Variants in CNTLN observed in about 807,000 individuals in gnomAD.
The protein encoded by CNTLN is centlein, centrosomal protein.
A neutral mutation model predicts 180.0 loss-of-function variants in CNTLN; 212 were observed. The ratio of observed to expected loss-of-function variants is 1.18; its 90% CI spans 1.05 to 1.32. The LOEUF is 1.32. Ranked by LOEUF, CNTLN falls within the 40% of genes most tolerant of loss-of-function variation. The pLI is 0.00. For missense variants in CNTLN, 2,095 were observed against 1,610.9 expected, an observed-to-expected ratio of 1.30 and a Z score of -5.14; for synonymous variants, 722 against 563.1, an observed-to-expected ratio of 1.28 and a Z score of -3.99.
At chr9:17,513,445 C>T in the CNTLN span, among the ~76,000 whole-genome samples, 10 of 152,036 alleles carry the variant, frequency 6.6e-5, no homozygotes, top group Non-Finnish European at 1.2e-4. Flanking sequence ...CATGTAATCC[C>T]AGCACTTTGG....
chr9:17,333,300 C>G (rs993502571), intron 10 of CNTLN, among the ~76,000 whole-genome samples: 1 of 152,096 alleles, frequency 6.6e-6, no homozygotes, highest in East Asian at 1.9e-4. Context: ...CTTCCTAATT[C>G]ATACTTTGTG....
the CNTLN span, among the ~76,000 whole-genome samples, chr9:17,518,339 G>C: frequency 6.6e-6 from 1 of 151,970 alleles, no homozygotes; most frequent in African/African-American, 2.4e-5. Flanking sequence ...GAGCCACCGT[G>C]CCTGGCCTCC....
chr9:17,314,860 G>C (rs1819438698), intron 8 of CNTLN, among the ~76,000 whole-genome samples: 1 of 152,118 alleles, frequency 6.6e-6, no homozygotes, highest in African/African-American at 2.4e-5. Context: ...TGTCATTATT[G>C]TAAATGGAAC....
intron 8 of CNTLN, among the ~76,000 whole-genome samples, chr9:17,322,003 G>A (rs1056694110): frequency 6.6e-6 from 1 of 151,836 alleles, no homozygotes; most frequent in Non-Finnish European, 1.5e-5. Flanking sequence ...AATTAGTTTC[G>A]AGTTTATATG....
downstream of CNTLN, among the ~76,000 whole-genome samples, chr9:17,507,350 C>G (rs1833950839): frequency 6.6e-6 from 1 of 152,114 alleles, no homozygotes; most frequent in South Asian, 2.1e-4. Flanking sequence ...CATAGTATTC[C>G]ATGGTGTATA....
chr9:17,150,631 G>A lies in CNTLN; in HGVS notation c.449+7255G>A, dbSNP rs980429873. ...TTGCCCAGGAGTGTCTTGGCTATGC[G>A]GGCTCTTTTTTGGTTCCATATGAAC... On this transcript the variant is annotated intron_variant, in intron 2 of 25. Coordinates refer to ENST00000380647, the MANE Select transcript of CNTLN (RefSeq NM_017738.4). Among the ~76,000 whole-genome samples, 5 of 152,100 alleles carry A rather than the reference G, an allele frequency of 3.3e-5. No homozygotes were observed. The South Asian group carries it at 6.2e-4, about 19-fold the overall frequency.
Position 17,394,847 on chromosome 9 carries a change from C to G in CNTLN, c.2393C>G (p.Ser798Ter). Residue 798 changes from serine (S) to a stop codon, truncating the protein, a stop_gained, in exon 15 of 26, where the codon TCA (serine) becomes TGA (stop). Coordinates refer to ENST00000380647, the MANE Select transcript of CNTLN (RefSeq NM_017738.4). LOFTEE classifies it high-confidence loss of function. ...NEELINPMEK[S>*]HQSADRAKSE... is the part of the protein sequence containing the mutation. ...GAGCTGATCAACCCAATGGAGAAATCACACCAGTCAGCAGACAGAGCTAAA... is the reference window on the plus strand; with the variant it reads ...GAGCTGATCAACCCAATGGAGAAATGACACCAGTCAGCAGACAGAGCTAAA... 6.2e-7 allele frequency: 1 copy of G among 1,613,896 alleles called. No individual in the cohort carries two copies. The highest frequency in any genetic ancestry group is 8.5e-7 in the Non-Finnish European group (1 of 1,179,926).
At chr9:17,284,113 A>C (rs4574939) in intron 6 of CNTLN, among the ~76,000 whole-genome samples, 46,278 of 151,876 alleles carry the variant, frequency 0.3, 7,175 homozygotes, top group South Asian at 0.41. Context: ...CCTCCACCTC[A>C]CAGATTCAAG....
At chr9:17,389,290 T>C (rs1270966163) in intron 14 of CNTLN, among the ~76,000 whole-genome samples, 1 of 152,102 alleles carries the variant, frequency 6.6e-6, no homozygotes, top group Admixed American at 6.5e-5. Context: ...AATGATTAAT[T>C]GAATTAATCT....
chr9:17,293,027 G>T (rs670511), intron 6 of CNTLN, among the ~76,000 whole-genome samples: 69,297 of 151,964 alleles, frequency 0.46, 16,631 homozygotes, highest in South Asian at 0.68. Context: ...CCCTCTTCCG[G>T]AGGGCTGCTG....
intron 10 of CNTLN, among the ~76,000 whole-genome samples, chr9:17,336,713 T>A (rs183074916): frequency 3.9e-5 from 6 of 152,286 alleles, no homozygotes; most frequent in Admixed American, 1.3e-4. Context: ...AACCTTTTTT[T>A]AAAAAAATTA....
intron 25 of CNTLN, among the ~76,000 whole-genome samples, chr9:17,501,606 A>G (rs1748498197): frequency 6.6e-6 from 1 of 152,192 alleles, no homozygotes; most frequent in South Asian, 2.1e-4. Flanking sequence ...TCCTAGCACA[A>G]AAATGGGCCT....
At chr9:17,156,573 T>G (rs1014647777) in intron 2 of CNTLN, among the ~76,000 whole-genome samples, 1 of 152,148 alleles carries the variant, frequency 6.6e-6, no homozygotes. Flanking sequence ...TTTCCCCAAA[T>G]CTGACTTATT....
At chr9:17,459,676 A>G (rs760178502) in intron 19 of CNTLN, among the ~76,000 whole-genome samples, 3 of 151,780 alleles carry the variant, frequency 2.0e-5, no homozygotes, top group East Asian at 1.9e-4. Context: ...CAAGGTGTCA[A>G]CAGTTTTCAT....
chr9:17,319,832 C>T (rs893078521), intron 8 of CNTLN, among the ~76,000 whole-genome samples: 3 of 151,804 alleles, frequency 2.0e-5, no homozygotes, highest in African/African-American at 7.3e-5. Flanking sequence ...TCTTTCCTTT[C>T]TCCTATCTCA....
At chr9:17,200,291 T>C (rs186499786) in intron 2 of CNTLN, among the ~76,000 whole-genome samples, 1 of 152,306 alleles carries the variant, frequency 6.6e-6, no homozygotes, top group East Asian at 1.9e-4. Context: ...AACTTTGTTC[T>C]TTTTGCTTAG....
rs111814187 is a variant in CNTLN at position 17,458,530 on chromosome 9, T to C, written c.3306+815T>C. ...GAGTACATTAGAAATGGAATAATCA[T>C]CCCTGTTAGGAGGGTATTGGAATAC... On this transcript the variant is annotated intron_variant, in intron 19 of 25. Transcript: ENST00000380647. Among the ~76,000 whole-genome samples, 963 of 152,024 alleles carry C rather than the reference T, an allele frequency of 6.3e-3. 13 individuals carry two copies. Among genetic ancestry groups the C allele is most frequent in the African/African-American group, 0.022 (900 of 41,554 alleles).
chr9:17,257,319 A>T (rs375316675), intron 5 of CNTLN, among the ~76,000 whole-genome samples: 18 of 152,134 alleles, frequency 1.2e-4, no homozygotes, highest in Admixed American at 2.6e-4. Flanking sequence ...TCATTTTTTA[A>T]GGCTGCATAG....
intron 2 of CNTLN, among the ~76,000 whole-genome samples, chr9:17,146,041 A>G (rs1007084089): frequency 1.3e-5 from 2 of 152,142 alleles, no homozygotes; most frequent in African/African-American, 4.8e-5. Flanking sequence ...GTTTCTTCCT[A>G]GATAACTTGC....
Sources: allele counts gnomAD v4.1 joint callset (sites outside exome capture counted in the v4.1 genomes callset), GRCh38; gene constraint gnomAD v4.1.1; transcripts MANE v1.5; gene names NCBI Gene and HGNC (gene_info 2026-07-23, HGNC 2026-07-21).